CCDC149: variants seen among roughly 807,000 people sequenced by gnomAD.
CCDC149 encodes coiled-coil domain-containing protein 149.
A neutral mutation model predicts 59.9 loss-of-function variants in CCDC149; 45 were observed. That is an observed-to-expected ratio of 0.75 (90% CI 0.59 to 0.96). The LOEUF (loss-of-function observed/expected upper bound fraction) is 0.96, where lower values mean the gene tolerates loss of function less well. Among genes scored for constraint, CCDC149 ranks in the 40% least tolerant of loss-of-function variants. The pLI is 0.00. For synonymous variants in CCDC149, 245 were observed against 260.6 expected (o/e 0.94, Z 0.58); for missense variants, 584 against 664.7 (o/e 0.88, Z 1.33).
chr4:24,915,525 T>C (rs1192785927), upstream of CCDC149, among the ~76,000 whole-genome samples: 1 of 152,254 alleles, frequency 6.6e-6, no homozygotes, highest in African/African-American at 2.4e-5. Context: ...ACTATGTGCC[T>C]TTAAGACCAC....
rs1326848011 is a variant in CCDC149 at position 24,837,302 on chromosome 4, G to A, written c.588C>T (p.Asn196=). 5.6e-6 allele frequency: 9 copies of A among 1,614,184 alleles called. No individual in the cohort carries two copies. The highest frequency in any genetic ancestry group is 6.8e-6 in the Non-Finnish European group (8 of 1,180,026). The change falls in exon 6 of 13, where the codon AAC becomes AAT. Residue 196 remains asparagine (N), a synonymous_variant. Transcript: ENST00000635206. The surrounding 1 kb of genome is among the most constrained non-coding windows in gnomAD (Gnocchi z 4.3). ...CACTCAGGATATGGTTCAGCTCCTG[G>A]TTGAGCCTCTCCACTTTGTCCTGGT...
chr4:24,846,139 C>T (rs139800876), intron 4 of CCDC149, among the ~76,000 whole-genome samples: 15 of 152,246 alleles, frequency 9.9e-5, no homozygotes, highest in African/African-American at 3.1e-4. Context: ...AATGAGGTAT[C>T]GGAAGACCAA....
intron 1 of CCDC149, among the ~76,000 whole-genome samples, chr4:24,896,624 C>A (rs1413013057): frequency 6.6e-6 from 1 of 151,372 alleles, no homozygotes; most frequent in Non-Finnish European, 1.5e-5. Flanking sequence ...TTTTTTCAAG[C>A]AATATATCTG....
intron 12 of CCDC149, among the ~76,000 whole-genome samples, chr4:24,815,679 T>C (rs1714968145): frequency 6.6e-6 from 1 of 152,198 alleles, no homozygotes. Flanking sequence ...AATTTACACC[T>C]CAGTGAGGGT....
intron 1 of CCDC149, among the ~76,000 whole-genome samples, chr4:24,899,912 TC>T (rs1452877425): frequency 6.6e-6 from 1 of 152,128 alleles, no homozygotes; most frequent in African/African-American, 2.4e-5. Context: ...ATCTGAGATT[TC>T]CCCAACAAGT....
intron 1 of CCDC149, among the ~76,000 whole-genome samples, chr4:24,881,449 A>G (rs536949238): frequency 4.6e-5 from 7 of 152,224 alleles, no homozygotes; most frequent in Non-Finnish European, 1.0e-4. Flanking sequence ...ACAGGTTGCT[A>G]TAGGGTTGCC....
chr4:24,846,799 G>A (rs1283663770), intron 4 of CCDC149, among the ~76,000 whole-genome samples: 7 of 152,220 alleles, frequency 4.6e-5, no homozygotes, highest in Admixed American at 3.3e-4. Flanking sequence ...CCCAGGAAGT[G>A]TAAATGTGTG....
intron 12 of CCDC149, among the ~76,000 whole-genome samples, chr4:24,817,032 C>T (rs1370056645): frequency 1.3e-5 from 2 of 152,174 alleles, no homozygotes; most frequent in Non-Finnish European, 2.9e-5. Context: ...TCCTTATTCC[C>T]ACCCAGCGCT....
At chr4:24,979,472 T>C (rs2109377495) in intron 1 of CCDC149, among the ~76,000 whole-genome samples, 1 of 152,366 alleles carries the variant, frequency 6.6e-6, no homozygotes, top group Non-Finnish European at 1.5e-5. Context: ...CCTGATCTAC[T>C]GGATCAAGCC....
chr4:24,839,211 G>A (rs1050254042), intron 4 of CCDC149, among the ~76,000 whole-genome samples: 22 of 148,626 alleles, frequency 1.5e-4, no homozygotes, highest in Non-Finnish European at 2.5e-4. Context: ...ACGGAGTCTC[G>A]CTCTGTCGCC....
At position 24,852,287 on chromosome 4, in the gene CCDC149, TACACACACACAC is replaced by T. The variant is rs768071017; in HGVS notation, c.372+773_372+784del. Reference sequence around the variant, plus strand: ...AGAACTGCTCCCCTCCAACACACCATACACACACACACACACACACACACACACACACACACA... The same window carrying T: ...AGAACTGCTCCCCTCCAACACACCATACACACACACACACACACACACACA... On this transcript the variant is annotated intron_variant, in intron 4 of 12. Transcript: ENST00000635206. Among the ~76,000 whole-genome samples, 487 of 121,354 alleles carry T rather than the reference TACACACACACAC, an allele frequency of 4.0e-3. 2 individuals are homozygous for T. Among genetic ancestry groups the T allele is most frequent in the African/African-American group, 0.015 (450 of 30,478 alleles). 79.6% of individuals were successfully genotyped at this position (121,354 alleles called of 152,430 possible).
chr4:24,874,685 C>T (rs548669946), intron 2 of CCDC149, among the ~76,000 whole-genome samples: 233 of 152,306 alleles, frequency 1.5e-3, no homozygotes, highest in African/African-American at 5.3e-3. Context: ...AATGAGCACT[C>T]TAATATCTGA....
intron 10 of CCDC149, 133 bp downstream of exon 10, chr4:24,822,364 T>A: frequency 2.0e-6 from 1 of 498,262 alleles, no homozygotes; most frequent in Non-Finnish European, 3.4e-6. Flanking sequence ...TTTTCAGCAA[T>A]GATCTACTTT....
intron 1 of CCDC149, among the ~76,000 whole-genome samples, chr4:24,898,094 C>G (rs763565957): frequency 6.6e-6 from 1 of 152,148 alleles, no homozygotes; most frequent in Non-Finnish European, 1.5e-5. Context: ...TATGATTTTT[C>G]CATGGCATCA....
At chr4:24,832,105 G>C (rs1249454950) in intron 8 of CCDC149, among the ~76,000 whole-genome samples, 3 of 152,310 alleles carry the variant, frequency 2.0e-5, no homozygotes, top group Non-Finnish European at 2.9e-5. Context: ...CCCACTGTGT[G>C]ATACCCCTGG....
chr4:24,859,334 A>G (rs1387072954), intron 3 of CCDC149, among the ~76,000 whole-genome samples: 3 of 152,180 alleles, frequency 2.0e-5, no homozygotes, highest in Non-Finnish European at 4.4e-5. Flanking sequence ...TACTAAACGC[A>G]TTTTCAACTT....
rs1461837757 is a variant in CCDC149, at chr4:24,822,496, C to G, written c.1042+1G>C. ...AATTGTTTTCATGAGGTTCTGTTTA[C>G]CTGGAAGACTCCACAAACCAGAAAC... On this transcript the variant is annotated splice_donor_variant, in intron 10 of 12. Transcript: ENST00000635206. LOFTEE classifies it high-confidence loss of function. 2 of 1,505,384 alleles carry G rather than the reference C, an allele frequency of 1.3e-6. No individual in the cohort carries two copies. The highest frequency in any genetic ancestry group is 2.9e-5 in the African/African-American group (2 of 69,706). The allele number at this position is 1,505,384 out of a possible 1,614,324, so 93.3% of individuals were successfully genotyped here. A position where few individuals can be genotyped will look rare whatever the true frequency, so the allele number is the denominator to read the frequency against.
rs148819202 is a variant in CCDC149 at position 24,837,919 on chromosome 4, G to A, written c.489+237C>T. Among the ~76,000 whole-genome samples the A allele has an allele frequency of 7.1e-4, 108 of 152,332 alleles. No homozygotes were observed. The highest frequency in any genetic ancestry group is 2.4e-3 in the African/African-American group (101 of 41,578). Reference sequence around the variant, plus strand: ...CCTGTCTATCCTGGCTAGGAGGAACGTTTCTTGTTGTGTTCAGAACAATGG... The same window carrying A: ...CCTGTCTATCCTGGCTAGGAGGAACATTTCTTGTTGTGTTCAGAACAATGG... On this transcript the variant is annotated intron_variant, in intron 5 of 12. Transcript: ENST00000635206. The surrounding 1 kb of genome is among the most constrained non-coding windows in gnomAD (Gnocchi z 4.3).
At chr4:24,879,272 T>C (rs898115223) in intron 1 of CCDC149, among the ~76,000 whole-genome samples, 3 of 151,940 alleles carry the variant, frequency 2.0e-5, no homozygotes, top group Non-Finnish European at 1.5e-5. Flanking sequence ...TCCCAGCACT[T>C]TGGGAGGCCG....
Sources: gnomAD v4.1 joint callset for allele counts (sites outside exome capture counted in the v4.1 genomes callset) on GRCh38, gnomAD v4.1.1 for gene constraint, Gnocchi (gnomAD v3.1) non-coding constraint, MANE v1.5 for transcripts, NCBI Gene and HGNC (gene_info 2026-07-23, HGNC 2026-07-21) for gene names.